The following KCND2 variants were observed in gnomAD, a reference collection of about 807,000 sequenced individuals.
The protein encoded by KCND2 is A-type voltage-gated potassium channel KCND2.
Under a neutral mutation model 54.4 loss-of-function variants are expected in KCND2, and 16 were observed. That is an observed-to-expected ratio of 0.29 (90% confidence interval 0.20 to 0.45). The LOEUF is 0.45. Among genes scored for constraint, KCND2 ranks in the 20% least tolerant of loss-of-function variants. The probability of loss-of-function intolerance (pLI) is 1.00; values close to 1 mark genes in which losing one functional copy is unlikely to be tolerated. For missense variants in KCND2, 486 were observed against 824.2 expected (o/e 0.59, Z 5.02); for synonymous variants, 317 against 310.7 (o/e 1.02, Z -0.21).
Position 120,742,497 on chromosome 7 carries a change from T to C in KCND2, c.1375-13T>C. 1 of 1,610,234 alleles carries C rather than the reference T, an allele frequency of 6.2e-7. No homozygotes were observed. The highest frequency in any genetic ancestry group is 8.5e-7 in the Non-Finnish European group (1 of 1,176,530). Reference sequence around the variant, plus strand: ...TAAAATAGAAAGCTCTTCTGTCTTCTCTTTGTTAACAGTCCTCAGAGGATG... The same window carrying C: ...TAAAATAGAAAGCTCTTCTGTCTTCCCTTTGTTAACAGTCCTCAGAGGATG... On this transcript the variant is annotated splice_polypyrimidine_tract_variant and intron_variant, in intron 3 of 5. Transcript: ENST00000331113.
At chr7:120,711,857 T>G (rs1792542217) in intron 1 of KCND2, among the ~76,000 whole-genome samples, 1 of 152,190 alleles carries the variant, frequency 6.6e-6, no homozygotes, top group Admixed American at 6.6e-5. Context: ...AATCATAATT[T>G]ATTTAAATAC....
chr7:120,640,008 T>A (rs1793351760), intron 1 of KCND2, among the ~76,000 whole-genome samples: 1 of 152,170 alleles, frequency 6.6e-6, no homozygotes, highest in African/African-American at 2.4e-5. Context: ...TTCTGACACA[T>A]CCATTCTGTA....
At chr7:120,291,793 C>G (rs1474706232) in intron 1 of KCND2, among the ~76,000 whole-genome samples, 1 of 151,858 alleles carries the variant, frequency 6.6e-6, no homozygotes, top group Non-Finnish European at 1.5e-5. Context: ...CTGTTTAAGG[C>G]TCTGAAATGA....
At chr7:120,400,344 A>G (rs1310590802) in intron 1 of KCND2, among the ~76,000 whole-genome samples, 2 of 152,182 alleles carry the variant, frequency 1.3e-5, no homozygotes, top group Non-Finnish European at 2.9e-5. Context: ...CTATAAACTA[A>G]ACAGCAAACA....
intron 1 of KCND2, among the ~76,000 whole-genome samples, chr7:120,564,074 T>A (rs1792267986): frequency 6.6e-6 from 1 of 152,146 alleles, no homozygotes; most frequent in Non-Finnish European, 1.5e-5. Flanking sequence ...AATATACCAA[T>A]AAATTTGGAC....
chr7:120,370,871 C>T (rs1378612707), intron 1 of KCND2, among the ~76,000 whole-genome samples: 1 of 152,014 alleles, frequency 6.6e-6, no homozygotes, highest in African/African-American at 2.4e-5. Flanking sequence ...TTTTCTTTTG[C>T]TTCTTTACAA....
intron 1 of KCND2, among the ~76,000 whole-genome samples, chr7:120,731,914 G>A (rs1483885034): frequency 6.6e-6 from 1 of 152,098 alleles, no homozygotes; most frequent in Non-Finnish European, 1.5e-5. Context: ...GCAGAATTGT[G>A]GGGGGAAAAT....
intron 1 of KCND2, among the ~76,000 whole-genome samples, chr7:120,614,153 C>T (rs1271089566): frequency 2.6e-5 from 4 of 152,016 alleles, no homozygotes; most frequent in African/African-American, 9.7e-5. Context: ...GCTGGGATTA[C>T]AGGTGCCCGC....
intron 1 of KCND2, among the ~76,000 whole-genome samples, chr7:120,356,661 G>A (rs190835362): frequency 1.7e-4 from 26 of 152,214 alleles, no homozygotes; most frequent in Admixed American, 9.2e-4. Flanking sequence ...ATAGTAAAAT[G>A]GGAGCATGAA....
rs116086784 is a variant in KCND2, at chr7:120,611,985, C to G, written c.1116-120918C>G. ...AAAAGTGTGTTTAAGCACAATCATT[C>G]TGGGTTCTCCAAACTCTGAAATGCA... On this transcript the variant is annotated intron_variant, in intron 1 of 5. Transcript: ENST00000331113. Among the ~76,000 whole-genome samples, 959 of 152,294 alleles carry G rather than the reference C, an allele frequency of 6.3e-3. 6 individuals are homozygous for G. The highest frequency in any genetic ancestry group is 0.021 in the African/African-American group (882 of 41,576).
At chr7:120,399,630 T>A (rs892150737) in intron 1 of KCND2, among the ~76,000 whole-genome samples, 3 of 151,036 alleles carry the variant, frequency 2.0e-5, no homozygotes, top group African/African-American at 7.3e-5. Context: ...TTTTTTATAA[T>A]GTTATTCTTC....
chr7:120,483,231 A>G (rs1802632159), intron 1 of KCND2, among the ~76,000 whole-genome samples: 1 of 152,186 alleles, frequency 6.6e-6, no homozygotes. Context: ...TTTGTACCAG[A>G]TCGTGAAAGG....
At chr7:120,736,206 T>C (rs1562924008) in intron 2 of KCND2, among the ~76,000 whole-genome samples, 1 of 152,076 alleles carries the variant, frequency 6.6e-6, no homozygotes, top group Non-Finnish European at 1.5e-5. Flanking sequence ...AAAATTCCTA[T>C]CATCACTATC....
At chr7:120,550,869 G>A (rs567263336) in intron 1 of KCND2, among the ~76,000 whole-genome samples, 3 of 152,310 alleles carry the variant, frequency 2.0e-5, no homozygotes, top group African/African-American at 7.2e-5. Context: ...GCCGGAAATA[G>A]CACTTCTCAA....
At chr7:120,615,379 A>G (rs1275491329) in intron 1 of KCND2, among the ~76,000 whole-genome samples, 1 of 152,216 alleles carries the variant, frequency 6.6e-6, no homozygotes, top group African/African-American at 2.4e-5. Flanking sequence ...CTGAAGGCCA[A>G]ATGGTCTAAT....
intron 1 of KCND2, among the ~76,000 whole-genome samples, chr7:120,624,244 G>A (rs1005177254): frequency 1.3e-5 from 2 of 152,112 alleles, no homozygotes; most frequent in African/African-American, 2.4e-5. Context: ...AACTAAGACT[G>A]AAAACAAGTA....
intron 1 of KCND2, among the ~76,000 whole-genome samples, chr7:120,627,568 T>C (rs1452643768): frequency 1.3e-5 from 2 of 152,166 alleles, no homozygotes; most frequent in Admixed American, 6.5e-5. Context: ...TAAAAATTAC[T>C]CTTTAATTCA....
intron 1 of KCND2, among the ~76,000 whole-genome samples, chr7:120,577,441 G>A (rs11536582): frequency 0.11 from 17,349 of 151,960 alleles, 1,570 homozygotes; most frequent in African/African-American, 0.26. Context: ...ATTCTATAAG[G>A]GACTTTCTCA....
intron 1 of KCND2, among the ~76,000 whole-genome samples, chr7:120,622,007 C>A (rs1793105575): frequency 6.6e-6 from 1 of 151,600 alleles, no homozygotes; most frequent in Non-Finnish European, 1.5e-5. Context: ...ATGAAACTAG[C>A]CTTGTTTCTC....
Sources: allele counts gnomAD v4.1 joint callset (sites outside exome capture counted in the v4.1 genomes callset), GRCh38; gene constraint gnomAD v4.1.1; transcripts MANE v1.5; gene names NCBI Gene and HGNC (gene_info 2026-07-23, HGNC 2026-07-21).